ZMAT4: variants seen among roughly 807,000 people sequenced by gnomAD.
The protein encoded by ZMAT4 is zinc finger matrin-type 4, also known as zinc finger matrin-type protein 4.
In ZMAT4, 17 loss-of-function variants were observed where a neutral mutation model predicts 28.7. The observed-to-expected ratio is 0.59, with a 90% CI of 0.41 to 0.89. The LOEUF (loss-of-function observed/expected upper bound fraction) is 0.89. Ranked by LOEUF, ZMAT4 falls within the 40% of genes least tolerant of loss-of-function variation. The pLI is 0.00. For synonymous variants in ZMAT4, 117 were observed against 109.2 expected, an observed-to-expected ratio of 1.07 and a Z score of -0.44; for missense variants, 240 against 283.8, an observed-to-expected ratio of 0.85 and a Z score of 1.11.
chr8:40,844,744 T>C (rs1035262011), intron 1 of ZMAT4, among the ~76,000 whole-genome samples: 5 of 150,790 alleles, frequency 3.3e-5, no homozygotes, highest in African/African-American at 1.2e-4. Context: ...GCATTAGCAA[T>C]AAACTTTCCA....
chr8:40,680,841 A>G (rs1007165402), intron 4 of ZMAT4, among the ~76,000 whole-genome samples: 2 of 150,900 alleles, frequency 1.3e-5, no homozygotes, highest in South Asian at 2.1e-4. Flanking sequence ...CTTTTCTCTC[A>G]TGCTTAATGC....
At chr8:40,683,836 G>GAACTTCA (rs1192283712) in intron 4 of ZMAT4, among the ~76,000 whole-genome samples, 3 of 152,062 alleles carry the variant, frequency 2.0e-5, no homozygotes, top group Non-Finnish European at 4.4e-5. Flanking sequence ...AGGCTGAAAT[G>GAACTTCA]GGTGGATCAC....
intron 1 of ZMAT4, among the ~76,000 whole-genome samples, chr8:40,862,585 A>T (rs1246641202): frequency 0.019 from 591 of 30,560 alleles, no homozygotes; most frequent in East Asian, 0.066. Flanking sequence ...AAAAAAAATT[A>T]AAAAAAAAAA....
At chr8:40,701,502 C>T (rs1036071495) in intron 3 of ZMAT4, among the ~76,000 whole-genome samples, 1 of 140,806 alleles carries the variant, frequency 7.1e-6, no homozygotes, top group Non-Finnish European at 1.5e-5. Context: ...CACAACTATG[C>T]AGAATTTTTT....
intron 2 of ZMAT4, among the ~76,000 whole-genome samples, chr8:40,778,783 T>C (rs748532541): frequency 2.0e-5 from 3 of 152,192 alleles, no homozygotes; most frequent in Non-Finnish European, 4.4e-5. Flanking sequence ...AAGACCCAGA[T>C]TTTAGTCTGT....
intron 2 of ZMAT4, among the ~76,000 whole-genome samples, chr8:40,820,518 GTA>G (rs1760710650): frequency 6.6e-6 from 1 of 150,710 alleles, no homozygotes; most frequent in African/African-American, 2.4e-5. Flanking sequence ...GTATTGGTGT[GTA>G]TATGCATGTG....
intron 3 of ZMAT4, among the ~76,000 whole-genome samples, chr8:40,746,751 T>C (rs550708336): frequency 2.0e-5 from 3 of 152,224 alleles, no homozygotes; most frequent in Non-Finnish European, 4.4e-5. Context: ...GCACATGGTC[T>C]GGCTCCTACC....
At chr8:40,614,464 A>G (rs1291776131) in intron 5 of ZMAT4, among the ~76,000 whole-genome samples, 2 of 152,124 alleles carry the variant, frequency 1.3e-5, no homozygotes, top group African/African-American at 4.8e-5. Context: ...AGCTGAGTTC[A>G]ATTCCTGGAT....
At chr8:40,799,136 T>A (rs900468882) in intron 2 of ZMAT4, among the ~76,000 whole-genome samples, 3 of 134,216 alleles carry the variant, frequency 2.2e-5, no homozygotes, top group Non-Finnish European at 4.8e-5. Context: ...GAGAGAAGGA[T>A]AGATGGCTGG....
intron 2 of ZMAT4, among the ~76,000 whole-genome samples, chr8:40,798,375 C>G (rs575894060): frequency 6.6e-6 from 1 of 152,226 alleles, no homozygotes; most frequent in Non-Finnish European, 1.5e-5. Flanking sequence ...GTCCCAATGC[C>G]AGGCTCTTTA....
intron 1 of ZMAT4, among the ~76,000 whole-genome samples, chr8:40,862,797 A>G (rs373499612): frequency 1.3e-5 from 2 of 151,842 alleles, no homozygotes; most frequent in African/African-American, 4.8e-5. Context: ...CAGGAAGGGG[A>G]ACATCACACA....
chr8:40,768,746 A>G (rs1402770089), intron 2 of ZMAT4, among the ~76,000 whole-genome samples: 1 of 152,206 alleles, frequency 6.6e-6, no homozygotes, highest in Non-Finnish European at 1.5e-5. Flanking sequence ...CAATCTGCAT[A>G]ATATTAAACA....
chr8:40,732,324 C>T lies in ZMAT4; in HGVS notation c.193-34923G>A, dbSNP rs150104123. On this transcript the variant is annotated intron_variant, in intron 3 of 6. Coordinates refer to ENST00000297737, the MANE Select transcript of ZMAT4 (RefSeq NM_024645.3). ...ACAACGGGAAGGTCAGACCCTGCAG[C>T]AGGTACTGGCAGGCAGTCAGCTCCA... Among the ~76,000 whole-genome samples the T allele has an allele frequency of 3.5e-3, 540 of 152,284 alleles. 5 individuals are homozygous for T. The highest frequency in any genetic ancestry group is 0.012 in the African/African-American group (508 of 41,572).
chr8:40,702,734 A>C (rs948299202), intron 3 of ZMAT4, among the ~76,000 whole-genome samples: 3 of 152,204 alleles, frequency 2.0e-5, no homozygotes, highest in Admixed American at 6.5e-5. Flanking sequence ...CCTTATGGAG[A>C]AAACACACGA....
At chr8:40,609,439 C>T (rs1226557501) in intron 5 of ZMAT4, among the ~76,000 whole-genome samples, 1 of 152,114 alleles carries the variant, frequency 6.6e-6, no homozygotes, top group Admixed American at 6.6e-5. Flanking sequence ...TCCCCTGGTG[C>T]ACTCCACCAC....
chr8:40,713,282 G>A (rs974312281), intron 3 of ZMAT4, among the ~76,000 whole-genome samples: 1 of 152,114 alleles, frequency 6.6e-6, no homozygotes, highest in African/African-American at 2.4e-5. Flanking sequence ...GTCACTAGGA[G>A]AAATAAATAG....
chr8:40,622,772 TC>T (rs1311550927), intron 5 of ZMAT4, among the ~76,000 whole-genome samples: 15 of 152,086 alleles, frequency 9.9e-5, no homozygotes, highest in African/African-American at 3.6e-4. Context: ...GAATCAATTC[TC>T]ACTGGAACTA....
chr8:40,763,210 G>A (rs1181185035), intron 3 of ZMAT4, among the ~76,000 whole-genome samples: 1 of 152,184 alleles, frequency 6.6e-6, no homozygotes, highest in African/African-American at 2.4e-5. Context: ...CTGTGTTGGG[G>A]AAGGTGTCCA....
intron 3 of ZMAT4, among the ~76,000 whole-genome samples, chr8:40,737,208 T>C (rs958642661): frequency 6.6e-6 from 1 of 152,176 alleles, no homozygotes; most frequent in East Asian, 1.9e-4. Flanking sequence ...TATGAGATTT[T>C]TTTTGCGATT....
Sources: allele counts gnomAD v4.1 joint callset (sites outside exome capture counted in the v4.1 genomes callset), GRCh38; gene constraint gnomAD v4.1.1; transcripts MANE v1.5; gene names NCBI Gene and HGNC (gene_info 2026-07-23, HGNC 2026-07-21).